The following MAJIN variants were observed in gnomAD, a reference collection of about 807,000 sequenced individuals.
MAJIN encodes the protein membrane anchored junction protein.
In MAJIN, 27 loss-of-function variants were observed where a neutral mutation model predicts 30.2. The ratio of observed to expected loss-of-function variants is 0.89; its 90% CI spans 0.66 to 1.23. The LOEUF (loss-of-function observed/expected upper bound fraction) is 1.23, where lower values mean the gene tolerates loss of function less well. MAJIN is among the 50% of genes most tolerant of loss of function. The pLI, the probability that MAJIN is intolerant of heterozygous loss-of-function variation, is 0.00. For missense variants in MAJIN, 253 were observed against 260.3 expected, an observed-to-expected ratio of 0.97 and a Z score of 0.19; for synonymous variants, 78 against 91.6, an observed-to-expected ratio of 0.85 and a Z score of 0.85.
Position 64,947,799 on chromosome 11 carries a change from G to A in MAJIN, c.370C>T (p.Pro124Ser), listed in dbSNP as rs764022298. The change falls in exon 7 of 11, where the codon CCT becomes TCT. Residue 124 changes from proline to serine, a missense_variant. Physicochemically the swap from Pro to Ser is moderately conservative, Grantham distance 74 (BLOSUM62 -1). Transcript: ENST00000301896. Reference protein sequence around the residue: ...LSPGKPISDSPLGLVPVEKKA... With the variant: ...LSPGKPISDSSLGLVPVEKKA... ...AAAGGCAAACTTACCAACCCAAGAG[G>A]ACTGTCACTTATTGGTTTCCCTACA... 3.1e-6 allele frequency: 5 copies of A among 1,612,708 alleles called. No homozygotes were observed. In the Admixed American group the frequency reaches 6.7e-5, roughly 22 times the overall value.
chr11:64,960,386 A>G (rs760950014), intron 1 of MAJIN, among the ~76,000 whole-genome samples: 1 of 152,186 alleles, frequency 6.6e-6, no homozygotes, highest in Non-Finnish European at 1.5e-5. Flanking sequence ...ACAACTCTCA[A>G]TAACAACTTT....
Position 64,949,757 on chromosome 11 carries a change from T to C in MAJIN, c.335A>G (p.Glu112Gly). 5 of 1,613,116 alleles carry C rather than the reference T, an allele frequency of 3.1e-6. No homozygotes were observed. Among genetic ancestry groups the C allele is most frequent in the Non-Finnish European group, 3.4e-6 (4 of 1,179,992 alleles). ...TLYVEMKWFHENLSPGKPISD... is the reference protein window; with the variant it reads ...TLYVEMKWFHGNLSPGKPISD... ...ATTCCACTTACCAGGTGACAGGTTT[T>C]CATGGAACCATTTCATCTCCACATA... The change falls in exon 6 of 11, where the codon GAA becomes GGA. Residue 112 changes from glutamate (E) to glycine (G), a missense_variant. By Grantham distance (98) the Glu-to-Gly change is moderately conservative. Transcript: ENST00000301896.
rs751405480 is a variant in MAJIN at position 64,954,759 on chromosome 11, C to G, written c.145G>C (p.Glu49Gln). The change falls in exon 4 of 11, where the codon GAG becomes CAG. Residue 49 changes from glutamate to glutamine, a missense_variant and splice_region_variant. Physicochemically the swap from Glu to Gln is conservative, Grantham distance 29. Coordinates refer to ENST00000301896, the MANE Select transcript of MAJIN (RefSeq NM_001037225.3). ...AAGTCGTATGCTTCTTTCCCTACCT[C>G]CAGCTCCTGGGTGATGACTTCCTTA... The part of the protein sequence containing the change: ...ENKEVITQEL[E>Q]DSVRVVLGNL... 6.2e-7 allele frequency: 1 copy of G among 1,613,732 alleles called. No homozygotes were observed. The highest frequency in any genetic ancestry group is 2.2e-5 in the East Asian group (1 of 44,882).
At chr11:64,941,659 GA>G (rs1945381327) in intron 8 of MAJIN, among the ~76,000 whole-genome samples, 1 of 152,202 alleles carries the variant, frequency 6.6e-6, no homozygotes, top group Admixed American at 6.5e-5. Context: ...TCGAAAAAAA[GA>G]AAAAGAAAAA....
intron 4 of MAJIN, among the ~76,000 whole-genome samples, chr11:64,950,882 C>A (rs553687027): frequency 6.6e-6 from 1 of 152,128 alleles, no homozygotes; most frequent in Admixed American, 6.5e-5. Flanking sequence ...GCACCCAGCC[C>A]GCTTCTCCAT....
chr11:64,946,971 A>C (rs1945461357), intron 8 of MAJIN, among the ~76,000 whole-genome samples: 2 of 152,184 alleles, frequency 1.3e-5, no homozygotes. Flanking sequence ...CTAACTGCTC[A>C]CTGGGTAAAA....
chr11:64,963,018 T>C (rs1945752218), intron 1 of MAJIN, among the ~76,000 whole-genome samples: 1 of 152,064 alleles, frequency 6.6e-6, no homozygotes, highest in Non-Finnish European at 1.5e-5. Flanking sequence ...TCCCAGCTAC[T>C]CGGGAGGCTA....
intron 8 of MAJIN, chr11:64,946,225 C>T (rs918402576): frequency 7.0e-7 from 1 of 1,436,506 alleles, no homozygotes; most frequent in African/African-American, 1.4e-5. Context: ...GCAAATGTGG[C>T]CCAAATGAAT....
At chr11:64,957,509 T>C (rs115401951) in intron 3 of MAJIN, among the ~76,000 whole-genome samples, 2,509 of 152,278 alleles carry the variant, frequency 0.016, 83 homozygotes, top group African/African-American at 0.057. Flanking sequence ...GTTGAACTGA[T>C]TCTCCTGTCT....
At chr11:64,960,531 T>C (rs999596312) in intron 1 of MAJIN, among the ~76,000 whole-genome samples, 1 of 152,194 alleles carries the variant, frequency 6.6e-6, no homozygotes, top group African/African-American at 2.4e-5. Context: ...GGAATTTGAA[T>C]TTAAACTAAG....
At chr11:64,969,262 G>A (rs945559304) in intron 1 of MAJIN, among the ~76,000 whole-genome samples, 1 of 152,190 alleles carries the variant, frequency 6.6e-6, no homozygotes. Flanking sequence ...CTCCTAGTGT[G>A]TAAGGGACAG....
At chr11:64,944,437 A>T (rs1393190113) in intron 8 of MAJIN, among the ~76,000 whole-genome samples, 1 of 152,192 alleles carries the variant, frequency 6.6e-6, no homozygotes, top group Non-Finnish European at 1.5e-5. Flanking sequence ...CACATAGTAG[A>T]CACTCAATGA....
chr11:64,970,361 CTTTTTTTTTT>C (rs1196525730), intron 1 of MAJIN, among the ~76,000 whole-genome samples: 1 of 66,058 alleles, frequency 1.5e-5, no homozygotes, highest in Non-Finnish European at 2.9e-5. Flanking sequence ...AAGACTCCGT[CTTTTTTTTTT>C]TTTTTTTTTT....
At chr11:64,965,254 G>A (rs963220826) in intron 1 of MAJIN, among the ~76,000 whole-genome samples, 1 of 152,084 alleles carries the variant, frequency 6.6e-6, no homozygotes, top group Non-Finnish European at 1.5e-5. Context: ...CCTTAGAACT[G>A]TGTCAAACTT....
At chr11:64,957,902 A>G (rs1945660986) in intron 3 of MAJIN, among the ~76,000 whole-genome samples, 1 of 151,288 alleles carries the variant, frequency 6.6e-6, no homozygotes. Context: ...TGTTGCATAT[A>G]TTATTCTTAA....
intron 1 of MAJIN, among the ~76,000 whole-genome samples, chr11:64,963,779 C>A (rs962219695): frequency 6.6e-6 from 1 of 152,036 alleles, no homozygotes; most frequent in Non-Finnish European, 1.5e-5. Context: ...GTGGAGGCTG[C>A]GATGAACCAA....
intron 1 of MAJIN, among the ~76,000 whole-genome samples, chr11:64,970,176 C>T (rs935832289): frequency 1.3e-5 from 2 of 149,044 alleles, no homozygotes; most frequent in Non-Finnish European, 3.0e-5. Context: ...CCAGCTTGGC[C>T]AACATGGTGA....
At chr11:64,958,484 G>A (rs1945670187) in intron 3 of MAJIN, among the ~76,000 whole-genome samples, 1 of 151,460 alleles carries the variant, frequency 6.6e-6, no homozygotes, top group Non-Finnish European at 1.5e-5. Flanking sequence ...CTGGTGTGGT[G>A]GCACTATGCC....
At chr11:64,966,707 G>T (rs1481483424) in intron 1 of MAJIN, among the ~76,000 whole-genome samples, 1 of 152,050 alleles carries the variant, frequency 6.6e-6, no homozygotes, top group African/African-American at 2.4e-5. Flanking sequence ...GCCAAGGCAG[G>T]CGGATCACTT....
Sources: allele counts gnomAD v4.1 joint callset (sites outside exome capture counted in the v4.1 genomes callset), GRCh38; gene constraint gnomAD v4.1.1; transcripts MANE v1.5; gene names NCBI Gene and HGNC (gene_info 2026-07-23, HGNC 2026-07-21).